The following MORC4 variants were observed in gnomAD, a reference collection of about 807,000 sequenced individuals.
MORC4 encodes MORC family CW-type zinc finger protein 4.
In MORC4, 22 loss-of-function variants were observed where a neutral mutation model predicts 65.5. The observed-to-expected ratio is 0.34, with a 90% CI of 0.24 to 0.48. MORC4 has a LOEUF of 0.48. Among genes scored for constraint, MORC4 ranks in the 20% least tolerant of loss-of-function variants. The pLI, the probability that MORC4 is intolerant of heterozygous loss-of-function variation, is 0.99. For synonymous variants in MORC4, 267 were observed against 255.8 expected, an observed-to-expected ratio of 1.04 and a Z score of -0.42; for missense variants, 624 against 703.0, an observed-to-expected ratio of 0.89 and a Z score of 1.27.
intron 5 of MORC4, among the ~76,000 whole-genome samples, chrX:106,984,272 ACT>A (rs1934812744): frequency 1.9e-5 from 2 of 106,423 alleles, no homozygotes; most frequent in Non-Finnish European, 1.9e-5. Context: ...GGCAAGAGAG[ACT>A]CTGTCTCAAA....
chrX:106,968,389 T>C (rs918483735), intron 9 of MORC4, among the ~76,000 whole-genome samples: 1 of 110,665 alleles, frequency 9.0e-6, no homozygotes, highest in Non-Finnish European at 1.9e-5. Flanking sequence ...CCATTGACAC[T>C]ATGAAGAAAC....
chrX:106,941,469 A>G lies in MORC4; in HGVS notation c.*10T>C. ...AAGATAAGAGAAGAGAAGGGTATAC[A>G]GTCTGGTGCTCAATCCAGTATGTGA... On this transcript the variant is annotated 3_prime_UTR_variant, in exon 17 of 17. Coordinates refer to ENST00000355610, the MANE Select transcript of MORC4 (RefSeq NM_024657.5). 15 of 1,188,868 alleles carry G rather than the reference A, an allele frequency of 1.3e-5. No individual in the cohort carries two copies. The highest frequency in any genetic ancestry group is 1.7e-5 in the Non-Finnish European group (15 of 879,064).
chrX:106,955,518 TACAC>T (rs10610713), intron 13 of MORC4, among the ~76,000 whole-genome samples: 9 of 103,633 alleles, frequency 8.7e-5, no homozygotes, highest in Admixed American at 2.1e-4. Flanking sequence ...ATATTCATAG[TACAC>T]ACACACACAC....
intron 2 of MORC4, among the ~76,000 whole-genome samples, chrX:106,997,590 T>A (rs1235534967): frequency 8.9e-6 from 1 of 112,279 alleles, no homozygotes; most frequent in East Asian, 2.8e-4. Context: ...TCAACTAAAT[T>A]TTCTGAACCT....
chrX:106,966,868 G>T lies in MORC4; in HGVS notation c.1158-4758C>A, dbSNP rs376918510. Among the ~76,000 whole-genome samples the T allele has an allele frequency of 4.4e-5, 5 of 112,702 alleles. No homozygotes were observed. In the East Asian group the frequency reaches 8.4e-4, roughly 19 times the overall value. On this transcript the variant is annotated intron_variant, in intron 9 of 16. Transcript: ENST00000355610. ...ACTGCCTCTCTAGATTCCACCTCTG[G>T]GGGCAGGGCATATCTGAACAAAAGG...
In MORC4 at chrX:106,963,358, G is replaced by A. The variant is rs752526352; in HGVS notation, c.1158-1248C>T. On this transcript the variant is annotated intron_variant, in intron 9 of 16. Coordinates refer to ENST00000355610, the MANE Select transcript of MORC4 (RefSeq NM_024657.5). The stretch of plus-strand genomic sequence containing the variant: ...TTTGCAACTTCCAGGAGAAGGCTTG[G>A]ATGGTAAATTGTGGTTAATTTTGGT... Among the ~76,000 whole-genome samples, 596 of 111,816 alleles carry A rather than the reference G, an allele frequency of 5.3e-3. 6 individuals carry two copies. Among genetic ancestry groups the A allele is most frequent in the African/African-American group, 0.018 (555 of 30,755 alleles).
intron 9 of MORC4, among the ~76,000 whole-genome samples, chrX:106,969,580 C>G (rs977825600): frequency 2.7e-5 from 3 of 111,240 alleles, no homozygotes; most frequent in African/African-American, 9.8e-5. Context: ...AGACTGCTAG[C>G]AAGATTAATA....
chrX:106,944,600 C>T (rs1357267608), intron 14 of MORC4, among the ~76,000 whole-genome samples: 1 of 111,171 alleles, frequency 9.0e-6, no homozygotes, highest in Non-Finnish European at 1.9e-5. Flanking sequence ...AATCTCTGGG[C>T]AACAACTCCC....
At chrX:106,942,251 C>T (rs1405620734) in intron 15 of MORC4, 30 bp from the exon 16 acceptor site, 2 of 1,186,319 alleles carry the variant, frequency 1.7e-6, no homozygotes, top group South Asian at 3.8e-5. Flanking sequence ...AATTCAATGA[C>T]CCCACAAAAG....
chrX:106,965,459 G>T (rs539069371), intron 9 of MORC4, among the ~76,000 whole-genome samples: 38 of 112,117 alleles, frequency 3.4e-4, no homozygotes, highest in Middle Eastern at 4.6e-3. Flanking sequence ...AAAACAAACA[G>T]CAAAATGACA....
chrX:106,991,243 G>A (rs776271474), intron 3 of MORC4, among the ~76,000 whole-genome samples: 2 of 111,778 alleles, frequency 1.8e-5, no homozygotes, highest in Admixed American at 9.4e-5. Context: ...CAAAGAAACT[G>A]TGCTCTACCT....
At chrX:106,973,054 A>G (rs1396388867) in intron 9 of MORC4, among the ~76,000 whole-genome samples, 4 of 112,645 alleles carry the variant, frequency 3.6e-5, no homozygotes. Flanking sequence ...CTCAGCTGCC[A>G]ACACATGCTA....
intron 13 of MORC4, 85 bp from the exon 14 acceptor site, chrX:106,955,173 G>A (rs1203782583): frequency 7.4e-5 from 52 of 704,897 alleles, no homozygotes; most frequent in Non-Finnish European, 1.0e-4. Flanking sequence ...TGCTAGGAAA[G>A]AATGCTTGGC....
At position 106,955,052 on chromosome X, in the gene MORC4, C is replaced by T; in HGVS notation, c.1546G>A (p.Glu516Lys). 2 of 1,205,469 alleles carry T rather than the reference C, an allele frequency of 1.7e-6. No homozygotes were observed. Among genetic ancestry groups the T allele is most frequent in the Non-Finnish European group, 2.2e-6 (2 of 891,693 alleles). Reference protein sequence around the residue: ...SNPPKILTVQEMAGLNNKTIG... With the variant: ...SNPPKILTVQKMAGLNNKTIG... ...GTCTTGTTATTCAATCCAGCCATTTCTTGAACAGTAAGGATCTTTGGTGGA... is the reference window on the plus strand; with the variant it reads ...GTCTTGTTATTCAATCCAGCCATTTTTTGAACAGTAAGGATCTTTGGTGGA... The change falls in exon 14 of 17, where the codon GAA (glutamate) becomes AAA (lysine). Residue 516 changes from glutamate (E) to lysine (K), a missense_variant. Transcript: ENST00000355610.
intron 14 of MORC4, among the ~76,000 whole-genome samples, chrX:106,952,167 C>T (rs761223327): frequency 1.8e-5 from 2 of 111,080 alleles, no homozygotes; most frequent in Admixed American, 1.9e-4. Context: ...CAAATACAGT[C>T]GTGCATTACT....
Position 106,942,774 on chromosome X carries a change from G to A in MORC4, c.2117C>T (p.Ala706Val), listed in dbSNP as rs1014615306. 8.3e-7 allele frequency: 1 copy of A among 1,211,471 alleles called. No individual in the cohort carries two copies. The highest frequency in any genetic ancestry group is 1.1e-6 in the Non-Finnish European group (1 of 895,317). The change falls in exon 15 of 17, where the codon GCT (alanine) becomes GTT (valine). Residue 706 changes from alanine to valine, a missense_variant. Ala to Val is a moderately conservative substitution (Grantham distance 64). Coordinates refer to ENST00000355610, the MANE Select transcript of MORC4 (RefSeq NM_024657.5). ...GVAKGVRDSG[A>V]PIQLIPFNRE... is the part of the protein sequence containing the mutation. ...GTTAAAAGGGATCAGCTGAATGGGA[G>A]CTCCTGAATCTCTAACACCTTTGGC...
intron 14 of MORC4, among the ~76,000 whole-genome samples, chrX:106,954,393 C>T (rs960154061): frequency 8.9e-6 from 1 of 112,089 alleles, no homozygotes; most frequent in East Asian, 2.8e-4. Flanking sequence ...AGAAGGTGAA[C>T]AAGTAAAGTC....
rs1934174171 is a variant in MORC4, at chrX:106,959,102, A to G, written c.1257-638T>C. Among the ~76,000 whole-genome samples the G allele has an allele frequency of 3.6e-5, 4 of 112,337 alleles. No individual in the cohort carries two copies. The South Asian group carries it at 1.5e-3, about 42-fold the overall frequency. ...ATTCCCAAAGTTAATCTTAAAAAGT[A>G]ATATAAATTTGATTAAATTTCATAA... On this transcript the variant is annotated intron_variant, in intron 10 of 16. Transcript: ENST00000355610.
chrX:106,997,508 A>G (rs748007887), intron 2 of MORC4, among the ~76,000 whole-genome samples: 1 of 111,792 alleles, frequency 8.9e-6, no homozygotes, highest in East Asian at 2.8e-4. Flanking sequence ...ATCCTTACTT[A>G]GTATCTGGCG....
Sources: gnomAD v4.1 joint callset for allele counts (sites outside exome capture counted in the v4.1 genomes callset) on GRCh38, gnomAD v4.1.1 for gene constraint, MANE v1.5 for transcripts, NCBI Gene and HGNC (gene_info 2026-07-23, HGNC 2026-07-21) for gene names.